Variants in FAM50B observed in about 807,000 individuals in gnomAD.
The protein encoded by FAM50B is family with sequence similarity 50 member B, also known as protein FAM50B.
A neutral mutation model predicts 25.4 loss-of-function variants in FAM50B; 9 were observed. The ratio of observed to expected loss-of-function variants is 0.35; its 90% CI spans 0.21 to 0.62. The LOEUF is 0.62. Among genes scored for constraint, FAM50B ranks in the 20% least tolerant of loss-of-function variants. FAM50B has a pLI of 0.73. For synonymous variants in FAM50B, 212 were observed against 204.3 expected (o/e 1.04, Z -0.32); for missense variants, 372 against 477.9 (o/e 0.78, Z 2.07).
At chr6:3,846,803 AT>A (rs1762129107), upstream of FAM50B, among the ~76,000 whole-genome samples, 1 of 152,244 alleles carries the variant, frequency 6.6e-6, no homozygotes, top group Admixed American at 6.5e-5. Context: ...TTGGAAATGT[AT>A]TTCTTAAATA....
chr6:3,837,261 T>G, the FAM50B span, among the ~76,000 whole-genome samples: 2 of 152,162 alleles, frequency 1.3e-5, no homozygotes, highest in Non-Finnish European at 2.9e-5. Context: ...AATTTTACTC[T>G]GCAAAAGACA....
At chr6:3,835,905 A>G in the FAM50B span, among the ~76,000 whole-genome samples, 1 of 152,198 alleles carries the variant, frequency 6.6e-6, no homozygotes, top group East Asian at 1.9e-4. Flanking sequence ...TTCCAGCTGC[A>G]GGATTCCAGA....
chr6:3,844,144 TC>T, the FAM50B span, among the ~76,000 whole-genome samples: 1 of 152,224 alleles, frequency 6.6e-6, no homozygotes, highest in African/African-American at 2.4e-5. Context: ...AAGTTCTTTT[TC>T]TCTTGTTAAA....
chr6:3,841,376 T>C, the FAM50B span, among the ~76,000 whole-genome samples: 1 of 152,072 alleles, frequency 6.6e-6, no homozygotes, highest in Admixed American at 6.5e-5. Context: ...GGGGTGTCAG[T>C]GGGTTTATCA....
the FAM50B span, among the ~76,000 whole-genome samples, chr6:3,834,839 G>A: frequency 1.2e-4 from 18 of 152,202 alleles, no homozygotes; most frequent in Middle Eastern, 3.4e-3. Context: ...ATTGTTTGAG[G>A]ATATTAAACA....
chr6:3,838,791 A>C, the FAM50B span, among the ~76,000 whole-genome samples: 1 of 145,250 alleles, frequency 6.9e-6, no homozygotes, highest in Non-Finnish European at 1.5e-5. Flanking sequence ...CAGTGAGCTG[A>C]GATCATACTA....
upstream of FAM50B, among the ~76,000 whole-genome samples, chr6:3,846,050 G>C (rs1762117346): frequency 6.6e-6 from 1 of 152,166 alleles, no homozygotes; most frequent in South Asian, 2.1e-4. Flanking sequence ...CAGGCGCAGT[G>C]AAAAAGCTGG....
chr6:3,845,982 A>G (rs550306775), upstream of FAM50B, among the ~76,000 whole-genome samples: 5 of 152,194 alleles, frequency 3.3e-5, no homozygotes, highest in East Asian at 7.7e-4. Flanking sequence ...CGGCCTCCCA[A>G]AGTGCTGGGA....
rs1481082516 is a variant in FAM50B, at chr6:3,850,821, G to T, written c.*32G>T. ...CCTGCCAGAGCGGAAACCGGGGGTG[G>T]GGGGAGACACTCATTTCTAGGCCCC... On this transcript the variant is annotated 3_prime_UTR_variant, in exon 2 of 2. Transcript: ENST00000648326. 6.2e-7 allele frequency: 1 copy of T among 1,604,460 alleles called. No homozygotes were observed. The highest frequency in any genetic ancestry group is 1.7e-5 in the Admixed American group (1 of 58,834).
At chr6:3,836,899 T>C in the FAM50B span, among the ~76,000 whole-genome samples, 2 of 152,310 alleles carry the variant, frequency 1.3e-5, no homozygotes, top group Admixed American at 1.3e-4. Flanking sequence ...ACTTCAGCAC[T>C]CTGAAGGGTA....
At chr6:3,842,682 T>G in the FAM50B span, among the ~76,000 whole-genome samples, 1 of 152,198 alleles carries the variant, frequency 6.6e-6, no homozygotes, top group Non-Finnish European at 1.5e-5. Context: ...GCCCTTCTCC[T>G]AAAAGGTGCC....
the FAM50B span, among the ~76,000 whole-genome samples, chr6:3,836,069 G>A: frequency 2.6e-5 from 4 of 151,472 alleles, no homozygotes; most frequent in South Asian, 2.1e-4. Context: ...ATATTTGTTC[G>A]TTCATCTATT....
upstream of FAM50B, among the ~76,000 whole-genome samples, chr6:3,845,905 T>C (rs921452781): frequency 2.0e-5 from 3 of 152,120 alleles, no homozygotes; most frequent in South Asian, 2.1e-4. Flanking sequence ...TTATTTTTAT[T>C]AGAGACGGGG....
At chr6:3,834,405 A>G in the FAM50B span, among the ~76,000 whole-genome samples, 1 of 150,676 alleles carries the variant, frequency 6.6e-6, no homozygotes, top group African/African-American at 2.4e-5. Context: ...AAAAGAACCC[A>G]CAGAGTTAAA....
At chr6:3,839,722 A>T in the FAM50B span, among the ~76,000 whole-genome samples, 16 of 152,240 alleles carry the variant, frequency 1.1e-4, no homozygotes, top group African/African-American at 3.9e-4. Flanking sequence ...GGAGAGCAAC[A>T]GCAGTCATCA....
At chr6:3,842,630 G>A in the FAM50B span, among the ~76,000 whole-genome samples, 4,583 of 152,170 alleles carry the variant, frequency 0.03, 232 homozygotes, top group African/African-American at 0.099. Flanking sequence ...AACAAAAGAT[G>A]TTCCACCCTT....
chr6:3,842,544 T>C, the FAM50B span, among the ~76,000 whole-genome samples: 1 of 152,224 alleles, frequency 6.6e-6, no homozygotes, highest in Non-Finnish European at 1.5e-5. Context: ...CCTTGGCCCC[T>C]GGCTTCTGTC....
At chr6:3,837,283 A>G in the FAM50B span, among the ~76,000 whole-genome samples, 6 of 152,352 alleles carry the variant, frequency 3.9e-5, no homozygotes, top group Admixed American at 6.5e-5. Context: ...GAGAAGAAAA[A>G]GAGAAGTTAG....
chr6:3,844,656 G>C (rs1335481863), upstream of FAM50B, among the ~76,000 whole-genome samples: 2 of 152,004 alleles, frequency 1.3e-5, no homozygotes, highest in Non-Finnish European at 2.9e-5. Flanking sequence ...GGTTGCAGTG[G>C]GCCGAGATCG....
Sources: gnomAD v4.1 joint callset for allele counts (sites outside exome capture counted in the v4.1 genomes callset) on GRCh38, gnomAD v4.1.1 for gene constraint, MANE v1.5 for transcripts, NCBI Gene and HGNC (gene_info 2026-07-23, HGNC 2026-07-21) for gene names.